Variants in PPP1R9A observed in about 807,000 individuals in gnomAD.
PPP1R9A encodes neurabin-1.
In PPP1R9A, 59 loss-of-function variants were observed where a neutral mutation model predicts 141.9. That is an observed-to-expected ratio of 0.42 (90% CI 0.34 to 0.52). The LOEUF is 0.52. PPP1R9A is among the 20% of genes least tolerant of loss of function. The pLI, the probability that PPP1R9A is intolerant of heterozygous loss-of-function variation, is 0.10. For missense variants in PPP1R9A, 1,444 were observed against 1,611.9 expected (o/e 0.90, Z 1.78); for synonymous variants, 500 against 569.7 (o/e 0.88, Z 1.74).
In PPP1R9A at chr7:95,295,089, A is replaced by G. The variant is rs565361927; in HGVS notation, c.*4786A>G. 1 of 152,436 alleles carries G rather than the reference A, an allele frequency of 6.6e-6. No homozygotes were observed. The highest frequency in any genetic ancestry group is 2.1e-4 in the South Asian group (1 of 4,816). 9.4% of individuals were successfully genotyped at this position (152,436 alleles called of 1,614,324 possible). On this transcript the variant is annotated 3_prime_UTR_variant, in exon 20 of 20. Coordinates refer to ENST00000433360, the MANE Select transcript of PPP1R9A (RefSeq NM_001166160.2). ...CGTTTGTGTAGATGTTCAGAACTAC[A>G]TATGTGTGAATATCACTCCCACCTT...
chr7:94,956,909 T>C (rs752096893), intron 2 of PPP1R9A, among the ~76,000 whole-genome samples: 24 of 152,258 alleles, frequency 1.6e-4, no homozygotes, highest in Middle Eastern at 3.4e-3. Context: ...TGCAGAAATA[T>C]AGGTAATTAT....
At chr7:95,104,036 C>G (rs1253448408) in intron 2 of PPP1R9A, among the ~76,000 whole-genome samples, 1 of 151,674 alleles carries the variant, frequency 6.6e-6, no homozygotes. Context: ...TGATTAGAAG[C>G]CTGCACCCAG....
intron 4 of PPP1R9A, among the ~76,000 whole-genome samples, chr7:95,128,457 G>C (rs1823967278): frequency 6.6e-6 from 1 of 152,158 alleles, no homozygotes; most frequent in Admixed American, 6.5e-5. Context: ...CTCCCATTCT[G>C]TAGCTTGTCT....
At chr7:94,956,443 A>T (rs1797080693) in intron 2 of PPP1R9A, among the ~76,000 whole-genome samples, 1 of 152,212 alleles carries the variant, frequency 6.6e-6, no homozygotes. Context: ...AAACAAATGG[A>T]TTATTTTCCT....
chr7:94,918,100 T>C (rs1274221428), intron 2 of PPP1R9A, among the ~76,000 whole-genome samples: 1 of 152,216 alleles, frequency 6.6e-6, no homozygotes, highest in Non-Finnish European at 1.5e-5. Flanking sequence ...CATTTGGACC[T>C]ATTTTCTTTT....
chr7:95,117,218 G>A (rs10260812), intron 3 of PPP1R9A, among the ~76,000 whole-genome samples: 62,038 of 151,406 alleles, frequency 0.41, 13,048 homozygotes, highest in Middle Eastern at 0.49. Context: ...GTTTTGCCTT[G>A]GTGCTTTGCC....
At chr7:94,965,498 A>G (rs1435952850) in intron 2 of PPP1R9A, among the ~76,000 whole-genome samples, 2 of 152,050 alleles carry the variant, frequency 1.3e-5, no homozygotes, top group South Asian at 2.1e-4. Flanking sequence ...ATTTTTGTAT[A>G]TGGTTTAAGT....
intron 8 of PPP1R9A, among the ~76,000 whole-genome samples, chr7:95,240,480 T>C (rs967918491): frequency 7.2e-5 from 11 of 152,038 alleles, no homozygotes; most frequent in Non-Finnish European, 2.9e-5. Context: ...ATTTTGTCTT[T>C]TTTTCGTGTC....
intron 3 of PPP1R9A, 91 bp downstream of exon 3, chr7:95,111,482 T>G (rs576854444): frequency 1.0e-5 from 13 of 1,259,528 alleles, no homozygotes; most frequent in African/African-American, 9.1e-5. Flanking sequence ...TTCTAAGGAT[T>G]GGATAAAATT....
chr7:95,096,823 C>T (rs1297489345), intron 2 of PPP1R9A, among the ~76,000 whole-genome samples: 1 of 152,120 alleles, frequency 6.6e-6, no homozygotes, highest in Non-Finnish European at 1.5e-5. Context: ...GAATGCCTTC[C>T]ACACATACTA....
At chr7:95,003,732 C>A (rs540219346) in intron 2 of PPP1R9A, among the ~76,000 whole-genome samples, 1 of 152,224 alleles carries the variant, frequency 6.6e-6, no homozygotes, top group East Asian at 1.9e-4. Flanking sequence ...CCCAGAGATT[C>A]TGATTTATTG....
chr7:95,017,218 A>T (rs1361354111), intron 2 of PPP1R9A, among the ~76,000 whole-genome samples: 1 of 152,182 alleles, frequency 6.6e-6, no homozygotes, highest in Admixed American at 6.6e-5. Flanking sequence ...TTTTAAACCA[A>T]GCAGTTTGTG....
chr7:95,238,418 C>A (rs1262218775), intron 8 of PPP1R9A, among the ~76,000 whole-genome samples: 1 of 152,116 alleles, frequency 6.6e-6, no homozygotes, highest in Non-Finnish European at 1.5e-5. Context: ...CCTCCAGATA[C>A]AGGCTTACTC....
At chr7:94,995,129 T>TA in intron 2 of PPP1R9A, among the ~76,000 whole-genome samples, 1 of 57,928 alleles carries the variant, frequency 1.7e-5, no homozygotes, top group Non-Finnish European at 5.0e-5. Context: ...TAAGTTGATA[T>TA]TTTTTTTCAT....
At chr7:94,936,654 G>A (rs914883300) in intron 2 of PPP1R9A, among the ~76,000 whole-genome samples, 6 of 122,658 alleles carry the variant, frequency 4.9e-5, no homozygotes, top group African/African-American at 7.1e-5. Context: ...GTGTAGGGGT[G>A]TGTGTGTGTG....
intron 6 of PPP1R9A, chr7:95,202,682 C>T: frequency 3.4e-6 from 2 of 581,844 alleles, no homozygotes; most frequent in Non-Finnish European, 4.3e-6. Flanking sequence ...AACATTTAAT[C>T]TCTTGTCATA....
At chr7:95,180,222 ATACT>A (rs1833533312) in intron 5 of PPP1R9A, among the ~76,000 whole-genome samples, 1 of 152,146 alleles carries the variant, frequency 6.6e-6, no homozygotes, top group Non-Finnish European at 1.5e-5. Context: ...ATAAACCCAA[ATACT>A]TACAGCCTAC....
intron 16 of PPP1R9A, among the ~76,000 whole-genome samples, chr7:95,281,336 G>A (rs1469285421): frequency 6.6e-6 from 1 of 152,158 alleles, no homozygotes; most frequent in East Asian, 1.9e-4. Flanking sequence ...CTTCTCGGAA[G>A]TGGCCTCTCA....
chr7:94,930,283 AG>A (rs1345507410), intron 2 of PPP1R9A, among the ~76,000 whole-genome samples: 5 of 152,188 alleles, frequency 3.3e-5, no homozygotes, highest in Non-Finnish European at 5.9e-5. Context: ...AGCGCTTCAG[AG>A]AAAGTTTGGA....
Sources: gnomAD v4.1 joint callset for allele counts (sites outside exome capture counted in the v4.1 genomes callset) on GRCh38, gnomAD v4.1.1 for gene constraint, MANE v1.5 for transcripts, NCBI Gene and HGNC (gene_info 2026-07-23, HGNC 2026-07-21) for gene names.